The following EVI5 variants were observed in gnomAD, a reference collection of about 807,000 sequenced individuals.
The protein encoded by EVI5 is ecotropic viral integration site 5.
EVI5 carries 73 observed loss-of-function variants against 112.0 expected under a neutral mutation model. The ratio of observed to expected loss-of-function variants is 0.65; its 90% CI spans 0.54 to 0.79. The LOEUF (loss-of-function observed/expected upper bound fraction) is 0.79. Among genes scored for constraint, EVI5 ranks in the 30% least tolerant of loss-of-function variants. The pLI is 0.00. For synonymous variants in EVI5, 305 were observed against 319.9 expected, an observed-to-expected ratio of 0.95 and a Z score of 0.50; for missense variants, 900 against 968.8, an observed-to-expected ratio of 0.93 and a Z score of 0.94.
At chr1:92,542,665 T>C (rs1420713752) in intron 19 of EVI5, among the ~76,000 whole-genome samples, 1 of 152,216 alleles carries the variant, frequency 6.6e-6, no homozygotes, top group African/African-American at 2.4e-5. Flanking sequence ...CTTGTACTTT[T>C]ATGTAATGGA....
At chr1:92,707,483 T>TA (rs1377473164) in intron 2 of EVI5, among the ~76,000 whole-genome samples, 1 of 152,136 alleles carries the variant, frequency 6.6e-6, no homozygotes, top group Non-Finnish European at 1.5e-5. Flanking sequence ...CACCACACTT[T>TA]AAAAAATGAG....
chr1:92,686,570 C>A (rs4847262), intron 9 of EVI5, among the ~76,000 whole-genome samples: 141,171 of 152,214 alleles, frequency 0.93, 65,566 homozygotes, highest in East Asian at 0.97. Context: ...GAAAGAAATA[C>A]AGGGTATTCA....
intron 10 of EVI5, among the ~76,000 whole-genome samples, chr1:92,673,580 C>A (rs1457532678): frequency 1.3e-5 from 2 of 152,098 alleles, no homozygotes; most frequent in African/African-American, 4.8e-5. Flanking sequence ...GATCTGCCTG[C>A]CTCGGCCTCC....
At chr1:92,685,261 C>T (rs989343376) in intron 9 of EVI5, among the ~76,000 whole-genome samples, 6 of 152,106 alleles carry the variant, frequency 3.9e-5, no homozygotes, top group African/African-American at 9.7e-5. Flanking sequence ...TCACTCAAAA[C>T]GCACAACTAT....
intron 10 of EVI5, among the ~76,000 whole-genome samples, chr1:92,669,677 T>C (rs553195311): frequency 6.6e-6 from 1 of 152,242 alleles, no homozygotes; most frequent in Admixed American, 6.5e-5. Context: ...CTATTCTATT[T>C]TTCATTTAGG....
intron 2 of EVI5, among the ~76,000 whole-genome samples, chr1:92,723,579 AT>A (rs1391908310): frequency 6.6e-6 from 1 of 152,184 alleles, no homozygotes; most frequent in African/African-American, 2.4e-5. Flanking sequence ...TAATCCTGTT[AT>A]CTTCGTAAAC....
At chr1:92,582,398 T>C (rs1158960016) in intron 18 of EVI5, among the ~76,000 whole-genome samples, 1 of 152,100 alleles carries the variant, frequency 6.6e-6, no homozygotes, top group Admixed American at 6.5e-5. Flanking sequence ...AGTAACAATG[T>C]GAGGGGCCTA....
chr1:92,739,273 CAAAAAAAAAA>C (rs72016918), intron 1 of EVI5, among the ~76,000 whole-genome samples: 4 of 76,476 alleles, frequency 5.2e-5, no homozygotes, highest in African/African-American at 1.1e-4. Context: ...AACTCCGTCT[CAAAAAAAAAA>C]AAAAAAAAAG....
chr1:92,534,470 C>T (rs1456034842), intron 19 of EVI5, among the ~76,000 whole-genome samples: 3 of 152,106 alleles, frequency 2.0e-5, no homozygotes, highest in African/African-American at 7.2e-5. Context: ...CCCGTATAGC[C>T]AAGACAATCC....
chr1:92,570,530 T>C (rs1372683806), intron 18 of EVI5, among the ~76,000 whole-genome samples: 4 of 152,152 alleles, frequency 2.6e-5, no homozygotes, highest in African/African-American at 4.8e-5. Flanking sequence ...GGACATCTCA[T>C]AGCAATAATA....
At chr1:92,535,844 C>T (rs1006648782) in intron 19 of EVI5, among the ~76,000 whole-genome samples, 1 of 151,880 alleles carries the variant, frequency 6.6e-6, no homozygotes, top group South Asian at 2.1e-4. Context: ...ACCACCATGG[C>T]ACGTGTATAC....
chr1:92,749,615 T>C (rs971557543), intron 1 of EVI5, among the ~76,000 whole-genome samples: 1 of 151,718 alleles, frequency 6.6e-6, no homozygotes, highest in Non-Finnish European at 1.5e-5. Context: ...TAAATATATG[T>C]AAATAAATAT....
At chr1:92,560,276 G>A (rs1297526956) in intron 19 of EVI5, among the ~76,000 whole-genome samples, 2 of 152,142 alleles carry the variant, frequency 1.3e-5, no homozygotes, top group African/African-American at 2.4e-5. Context: ...AAACAATGTT[G>A]AGCAAAACAA....
At chr1:92,663,837 C>T (rs746560950) in intron 11 of EVI5, among the ~76,000 whole-genome samples, 2 of 152,148 alleles carry the variant, frequency 1.3e-5, no homozygotes, top group African/African-American at 4.8e-5. Context: ...GCCAACTCCT[C>T]GGCTCAAGGA....
intron 10 of EVI5, among the ~76,000 whole-genome samples, chr1:92,669,915 G>C (rs1351486007): frequency 6.6e-6 from 1 of 151,866 alleles, no homozygotes; most frequent in East Asian, 1.9e-4. Context: ...ACATACAAAT[G>C]TTTATCTTGT....
rs577527492 is a variant in EVI5 at position 92,649,274 on chromosome 1, C to A, written c.1393-12938G>T. Among the ~76,000 whole-genome samples, 7 of 152,276 alleles carry A rather than the reference C, an allele frequency of 4.6e-5. No homozygotes were observed. In the South Asian group the frequency reaches 1.4e-3, roughly 32 times the overall value. ...TCATGATATATTCTGGATGGTAGAT[C>A]CTGATCAGCTACAAAACTTGCAACT... On this transcript the variant is annotated intron_variant, in intron 13 of 19. Transcript: ENST00000684568.
intron 16 of EVI5, among the ~76,000 whole-genome samples, chr1:92,616,484 T>C (rs1403495877): frequency 2.0e-5 from 3 of 152,138 alleles, no homozygotes; most frequent in Non-Finnish European, 2.9e-5. Context: ...GTCTGACTTG[T>C]GTAGAGCTCT....
chr1:92,762,403 A>C (rs1682016310), intron 1 of EVI5, among the ~76,000 whole-genome samples: 1 of 152,204 alleles, frequency 6.6e-6, no homozygotes, highest in African/African-American at 2.4e-5. Flanking sequence ...CATAACCCTG[A>C]GATATATTTT....
intron 18 of EVI5, among the ~76,000 whole-genome samples, chr1:92,585,184 T>C (rs951371887): frequency 2.7e-5 from 4 of 149,860 alleles, no homozygotes; most frequent in Admixed American, 1.3e-4. Context: ...GATTGCACCA[T>C]TGCACTCTAG....
Sources: gnomAD v4.1 joint callset for allele counts (sites outside exome capture counted in the v4.1 genomes callset) on GRCh38, gnomAD v4.1.1 for gene constraint, MANE v1.5 for transcripts, NCBI Gene and HGNC (gene_info 2026-07-23, HGNC 2026-07-21) for gene names.